AIFM2: variants seen among roughly 807,000 people sequenced by gnomAD.
AIFM2 encodes the protein AIF family member 2, ferroptosis suppressor, also known as ferroptosis suppressor protein 1.
AIFM2 carries 38 observed loss-of-function variants against 35.7 expected under a neutral mutation model. The observed-to-expected ratio is 1.06, with a 90% CI of 0.82 to 1.39. The LOEUF (loss-of-function observed/expected upper bound fraction) is 1.39. Ranked by LOEUF, AIFM2 falls within the 40% of genes most tolerant of loss-of-function variation. The pLI is 0.00. For synonymous variants in AIFM2, 185 were observed against 203.5 expected (o/e 0.91, Z 0.77); for missense variants, 476 against 491.2 (o/e 0.97, Z 0.29).
At chr10:70,119,086 T>A (rs1418288678) in intron 5 of AIFM2, among the ~76,000 whole-genome samples, 4 of 152,178 alleles carry the variant, frequency 2.6e-5, no homozygotes, top group Non-Finnish European at 5.9e-5. Context: ...GCTTCCAGGT[T>A]GGTGAACATG....
intron 1 of AIFM2, among the ~76,000 whole-genome samples, chr10:70,130,745 T>C (rs2072618801): frequency 6.6e-6 from 1 of 152,194 alleles, no homozygotes; most frequent in African/African-American, 2.4e-5. Context: ...AACTGCTAAA[T>C]CCACCATCTG....
At chr10:70,119,249 TAA>T (rs1278343456) in intron 5 of AIFM2, among the ~76,000 whole-genome samples, 1 of 152,236 alleles carries the variant, frequency 6.6e-6, no homozygotes, top group Non-Finnish European at 1.5e-5. Flanking sequence ...CAACAGCAAG[TAA>T]ACTGTCTCCC....
chr10:70,117,016 C>T lies in AIFM2; in HGVS notation c.617-242G>A, dbSNP rs975890301. Among the ~76,000 whole-genome samples, 25 of 152,226 alleles carry T rather than the reference C, an allele frequency of 1.6e-4. No individual in the cohort carries two copies. The highest frequency in any genetic ancestry group is 6.0e-4 in the African/African-American group (25 of 41,460). On this transcript the variant is annotated intron_variant, in intron 6 of 8. Coordinates refer to ENST00000307864, the MANE Select transcript of AIFM2 (RefSeq NM_032797.6). The surrounding 1 kb of genome is among the most constrained non-coding windows in gnomAD (Gnocchi z 4.7). ...GTTCCAAGAAGCCCCTGGAGGGAAG[C>T]GAGGCTGTTTCCCAAGAAGTTCTCA...
At chr10:70,129,724 T>C (rs2072607584) in intron 1 of AIFM2, among the ~76,000 whole-genome samples, 1 of 152,206 alleles carries the variant, frequency 6.6e-6, no homozygotes, top group African/African-American at 2.4e-5. Context: ...AACAAGCATA[T>C]GTCATTTTTG....
rs1337935190 is a variant in AIFM2 at position 70,132,026 on chromosome 10, C to T, written c.-14+708G>A. On this transcript the variant is annotated intron_variant, in intron 1 of 8. Coordinates refer to ENST00000307864, the MANE Select transcript of AIFM2 (RefSeq NM_032797.6). ...GAGACCTCACCACTCCCCATCCTCA[C>T]CTTAAATTCCAGGGTCAAAAAGACT... 2.6e-5 allele frequency among the ~76,000 whole-genome samples: 4 copies of T among 152,196 alleles called. No individual in the cohort carries two copies. In the South Asian group the frequency reaches 6.2e-4, roughly 24 times the overall value.
In AIFM2 at chr10:70,131,839, T is replaced by A. The variant is rs144444039; in HGVS notation, c.-14+895A>T. 0.024 allele frequency among the ~76,000 whole-genome samples: 3,692 copies of A among 152,278 alleles called. 53 individuals carry two copies. The highest frequency in any genetic ancestry group is 0.04 in the Non-Finnish European group (2,725 of 68,018). On this transcript the variant is annotated intron_variant, in intron 1 of 8. Coordinates refer to ENST00000307864, the MANE Select transcript of AIFM2 (RefSeq NM_032797.6). This position sits in a 1 kb window ranked among gnomAD's most constrained non-coding sequence, Gnocchi z 4.1. Reference sequence around the variant, plus strand: ...GGTGCTGGGGTGAGGGCAGGTGTGATCTGAGATCCCGGGGCTCTCTGGCAG... The same window carrying A: ...GGTGCTGGGGTGAGGGCAGGTGTGAACTGAGATCCCGGGGCTCTCTGGCAG...
chr10:70,130,874 T>C (rs2394644), intron 1 of AIFM2, among the ~76,000 whole-genome samples: 19,820 of 152,110 alleles, frequency 0.13, 1,392 homozygotes, highest in East Asian at 0.24. Flanking sequence ...ACCCTGATTG[T>C]CCAGGAACCC....
At position 70,114,959 on chromosome 10, in the gene AIFM2, T is replaced by TGACGATGTTGGCCAC. The variant is rs1410441550; in HGVS notation, c.916_930dup (p.Val306_Val310dup). On this transcript the variant is annotated inframe_insertion, in exon 8 of 9. Transcript: ENST00000307864. ...TGGAGAGGCCGCTGCTTCACAGAGT[T>TGACGATGTTGGCCAC]GACGATGTTGGCCACGGCGATGTTG... The TGACGATGTTGGCCAC allele has an allele frequency of 6.2e-7, 1 of 1,614,176 alleles. No individual in the cohort carries two copies. The highest frequency in any genetic ancestry group is 1.7e-5 in the Admixed American group (1 of 60,024).
At position 70,131,213 on chromosome 10, in the gene AIFM2, T is replaced by A. The variant is rs2072622881; in HGVS notation, c.-14+1521A>T. On this transcript the variant is annotated intron_variant, in intron 1 of 8. Coordinates refer to ENST00000307864, the MANE Select transcript of AIFM2 (RefSeq NM_032797.6). The surrounding 1 kb of genome is among the most constrained non-coding windows in gnomAD (Gnocchi z 4.1). ...ATTACAAATAAAACACGATGCTTTT[T>A]GAGTCGTCATGGCTCACACAAAGGG... Among the ~76,000 whole-genome samples the A allele has an allele frequency of 6.6e-6, 1 of 152,220 alleles. No homozygotes were observed.
rs776481197 is a variant in AIFM2, at chr10:70,120,630, T to C, written c.415-31A>G. 43 of 1,609,948 alleles carry C rather than the reference T, an allele frequency of 2.7e-5. 1 individual carries two copies. The South Asian group carries it at 4.7e-4, about 18-fold the overall frequency. On this transcript the variant is annotated intron_variant, in intron 4 of 8. Transcript: ENST00000307864. Reference sequence around the variant, plus strand: ...GAAGAGGACATGTGAAACAGGGACATATGAAACACACCTACACATCCACCT... The same window carrying C: ...GAAGAGGACATGTGAAACAGGGACACATGAAACACACCTACACATCCACCT...
At position 70,113,340 on chromosome 10, in the gene AIFM2, C is replaced by T. The variant is rs1279539766; in HGVS notation, c.*838G>A. ...AGGTGTTCGAGACCAGCCTGGCCAA[C>T]ACAGTGAAACCCCGTCTCTATTTAA... On this transcript the variant is annotated 3_prime_UTR_variant, in exon 9 of 9. Coordinates refer to ENST00000307864, the MANE Select transcript of AIFM2 (RefSeq NM_032797.6). The T allele has an allele frequency of 6.6e-6, 1 of 152,236 alleles. No individual in the cohort carries two copies. The highest frequency in any genetic ancestry group is 1.5e-5 in the Non-Finnish European group (1 of 68,078). The allele number at this position is 152,236 out of a possible 1,614,324, so 9.4% of individuals were successfully genotyped here.
intron 3 of AIFM2, among the ~76,000 whole-genome samples, chr10:70,121,605 C>G (rs1157941340): frequency 6.6e-6 from 1 of 151,762 alleles, no homozygotes; most frequent in Non-Finnish European, 1.5e-5. Flanking sequence ...CTGCCTCCGC[C>G]AGGAAGAAAA....
chr10:70,128,505 T>G (rs1417905957), intron 1 of AIFM2, among the ~76,000 whole-genome samples: 2 of 152,224 alleles, frequency 1.3e-5, no homozygotes, highest in African/African-American at 4.8e-5. Flanking sequence ...ACTACAGGCA[T>G]GTGCCATCAT....
intron 7 of AIFM2, among the ~76,000 whole-genome samples, chr10:70,116,321 G>C (rs1196240089): frequency 6.6e-6 from 1 of 152,206 alleles, no homozygotes; most frequent in Non-Finnish European, 1.5e-5. Flanking sequence ...CCTCAGGTGA[G>C]GGGGAAAGAA....
intron 1 of AIFM2, among the ~76,000 whole-genome samples, chr10:70,125,630 C>T (rs185782617): frequency 5.2e-4 from 79 of 150,672 alleles, no homozygotes; most frequent in African/African-American, 1.7e-3. Context: ...AAAAATAAAA[C>T]AATAAAAATA....
In AIFM2 at chr10:70,116,841, C is replaced by T. The variant is rs2072442605; in HGVS notation, c.617-67G>A. The stretch of plus-strand genomic sequence containing the variant: ...ACCCCATCAAGCCTGGACCCCAGGC[C>T]AAGGCTAACCCTGGGGAGGGCCTGG... On this transcript the variant is annotated intron_variant, in intron 6 of 8. Coordinates refer to ENST00000307864, the MANE Select transcript of AIFM2 (RefSeq NM_032797.6). The T allele has an allele frequency of 3.8e-6, 6 of 1,589,374 alleles. No homozygotes were observed. The Admixed American group carries it at 1.0e-4, about 27-fold the overall frequency.
rs756117637 is a variant in AIFM2 at position 70,123,412 on chromosome 10, C to T, written c.287G>A (p.Gly96Asp). The T allele has an allele frequency of 6.2e-7, 1 of 1,614,110 alleles. No individual in the cohort carries two copies. The highest frequency in any genetic ancestry group is 1.1e-5 in the South Asian group (1 of 91,086). Reference sequence around the variant, plus strand: ...GGGCTGGCCCTCACTCACCTCGCCACCCTGCAGCAGCACCATCTGGTTCTT... The same window carrying T: ...GGGCTGGCCCTCACTCACCTCGCCATCCTGCAGCAGCACCATCTGGTTCTT... ...DLKNQMVLLQ[G>D]GEALPFSHLI... is the part of the protein sequence containing the mutation. The change falls in exon 3 of 9, where the codon GGT becomes GAT. Residue 96 changes from glycine (G) to aspartate (D), a missense_variant. Coordinates refer to ENST00000307864, the MANE Select transcript of AIFM2 (RefSeq NM_032797.6).
At chr10:70,129,689 T>C (rs2072606910) in intron 1 of AIFM2, among the ~76,000 whole-genome samples, 1 of 152,318 alleles carries the variant, frequency 6.6e-6, no homozygotes, top group Admixed American at 6.5e-5. Flanking sequence ...TTCCTTAAGC[T>C]TTTGTATTGT....
intron 1 of AIFM2, among the ~76,000 whole-genome samples, chr10:70,128,072 C>T (rs1212968318): frequency 2.0e-5 from 3 of 152,244 alleles, no homozygotes; most frequent in Non-Finnish European, 4.4e-5. Context: ...AGTGAACTCC[C>T]CTCTGCTTGG....
Sources: allele counts gnomAD v4.1 joint callset (sites outside exome capture counted in the v4.1 genomes callset), GRCh38; gene constraint gnomAD v4.1.1; non-coding constraint Gnocchi (gnomAD v3.1); transcripts MANE v1.5; gene names NCBI Gene and HGNC (gene_info 2026-07-23, HGNC 2026-07-21).